GK5: variants seen among roughly 807,000 people sequenced by gnomAD.
GK5 encodes the protein ATP:glycerol 3-phosphotransferase 5.
A neutral mutation model predicts 77.3 loss-of-function variants in GK5; 39 were observed. That is an observed-to-expected ratio of 0.50 (90% CI 0.39 to 0.66). The LOEUF is 0.66. Ranked by LOEUF, GK5 falls within the 30% of genes least tolerant of loss-of-function variation. GK5 has a pLI of 0.00. For missense variants in GK5, 487 were observed against 633.8 expected, an observed-to-expected ratio of 0.77 and a Z score of 2.49; for synonymous variants, 211 against 208.0, an observed-to-expected ratio of 1.01 and a Z score of -0.13.
intron 5 of GK5, among the ~76,000 whole-genome samples, chr3:142,188,612 T>C (rs911392027): frequency 5.9e-5 from 9 of 152,276 alleles, no homozygotes; most frequent in African/African-American, 1.9e-4. Flanking sequence ...TCTGTTTTTG[T>C]ACAGCAAATT....
chr3:142,187,868 C>T (rs2063794092), intron 5 of GK5, 89 bp from the exon 6 acceptor site: 4 of 874,658 alleles, frequency 4.6e-6, no homozygotes, highest in Non-Finnish European at 7.2e-6. Flanking sequence ...AATATAAACC[C>T]ATTTTTATAA....
intron 9 of GK5, chr3:142,185,503 G>T: frequency 2.0e-6 from 2 of 994,408 alleles, no homozygotes; most frequent in Non-Finnish European, 2.4e-6. Flanking sequence ...TTTATTAAAT[G>T]TACATACAAC....
At chr3:142,183,191 C>A in intron 9 of GK5, 142 bp from the exon 10 acceptor site, 4 of 709,372 alleles carry the variant, frequency 5.6e-6, no homozygotes, top group Non-Finnish European at 8.9e-6. Context: ...AAAAAAATCC[C>A]AAAGAGAATA....
chr3:142,204,456 C>T, intron 4 of GK5: 1 of 543,166 alleles, frequency 1.8e-6, no homozygotes, highest in East Asian at 3.8e-5. Context: ...AACACAAATT[C>T]TCACTAACAT....
intron 5 of GK5, among the ~76,000 whole-genome samples, chr3:142,195,713 T>G (rs1404398291): frequency 1.3e-5 from 2 of 152,332 alleles, no homozygotes; most frequent in East Asian, 3.9e-4. Context: ...TCTTTTCTCT[T>G]GATGTCTTTG....
At chr3:142,184,785 A>G (rs899943213) in intron 9 of GK5, 2 of 854,378 alleles carry the variant, frequency 2.3e-6, no homozygotes, top group African/African-American at 3.7e-5. Context: ...ACAGTGAGCC[A>G]TCGGTGAGAT....
At chr3:142,210,366 G>T (rs1455872192) in intron 3 of GK5, among the ~76,000 whole-genome samples, 1 of 152,112 alleles carries the variant, frequency 6.6e-6, no homozygotes, top group Non-Finnish European at 1.5e-5. Context: ...TCTCACAAAT[G>T]AACAATTAGT....
chr3:142,173,346 T>G lies in GK5; in HGVS notation c.1144-890A>C, dbSNP rs1311102929. 1.5e-5 allele frequency: 4 copies of G among 267,680 alleles called. No homozygotes were observed. In the Admixed American group the frequency reaches 1.7e-4, roughly 11 times the overall value. 16.6% of individuals were successfully genotyped at this position (267,680 alleles called of 1,614,324 possible). A position where few individuals can be genotyped will look rare whatever the true frequency, so the allele number is the denominator to read the frequency against. ...TGTATTAATCAGATGAGGTTTCTAT[T>G]CATCTTTGTATCTCCAGAAATGTAA... On this transcript the variant is annotated intron_variant, in intron 12 of 15. Coordinates refer to ENST00000392993, the MANE Select transcript of GK5 (RefSeq NM_001039547.3).
chr3:142,175,836 T>C (rs1489876041), intron 12 of GK5, among the ~76,000 whole-genome samples: 1 of 148,050 alleles, frequency 6.8e-6, no homozygotes, highest in African/African-American at 2.4e-5. Context: ...CTTTATATTA[T>C]TATTATTATA....
chr3:142,159,846 T>G lies in GK5; in HGVS notation c.*5776A>C, dbSNP rs932479131. ...TTGGGGCTTTCTCTCTCTCTCTCTC[T>G]CTCTCTCTTTTTTTTTTTTGAGACA... On this transcript the variant is annotated 3_prime_UTR_variant, in exon 16 of 16. Transcript: ENST00000392993. The G allele has an allele frequency of 7.8e-6, 1 of 127,594 alleles. No homozygotes were observed. The highest frequency in any genetic ancestry group is 2.0e-4 in the East Asian group (1 of 4,956). The allele number at this position is 127,594 out of a possible 1,614,324, so 7.9% of individuals were successfully genotyped here. A position where few individuals can be genotyped will look rare whatever the true frequency, so the allele number is the denominator to read the frequency against.
intron 9 of GK5, chr3:142,185,509 AC>A (rs1172378470): frequency 8.0e-6 from 8 of 998,566 alleles, no homozygotes; most frequent in Non-Finnish European, 8.4e-6. Context: ...AAATGTACAT[AC>A]AACTTTCTCT....
Position 142,163,018 on chromosome 3 carries a change from G to C in GK5, c.*2604C>G, listed in dbSNP as rs1345610047. On this transcript the variant is annotated 3_prime_UTR_variant, in exon 16 of 16. Coordinates refer to ENST00000392993, the MANE Select transcript of GK5 (RefSeq NM_001039547.3). ...CTCAAAAAAAAAAAAAAAAAAGAAA[G>C]GACAATTTTGTTGCTCAATTGATCT... 6.8e-6 allele frequency: 1 copy of C among 146,692 alleles called. No individual in the cohort carries two copies. The highest frequency in any genetic ancestry group is 1.5e-5 in the Non-Finnish European group (1 of 66,738). The allele number at this position is 146,692 out of a possible 1,614,324, so 9.1% of individuals were successfully genotyped here. A position where few individuals can be genotyped will look rare whatever the true frequency, so the allele number is the denominator to read the frequency against.
chr3:142,180,773 G>A (rs967160873), intron 11 of GK5, among the ~76,000 whole-genome samples: 17 of 152,038 alleles, frequency 1.1e-4, no homozygotes, highest in Admixed American at 6.6e-4. Context: ...CACCAATATG[G>A]GGATCCCAAG....
intron 4 of GK5, 28 bp from the exon 5 acceptor site, chr3:142,198,961 A>C (rs767560480): frequency 6.4e-7 from 1 of 1,558,202 alleles, no homozygotes; most frequent in African/African-American, 1.4e-5. Flanking sequence ...TATTTTAGGA[A>C]AATGCATTTA....
Position 142,165,608 on chromosome 3 carries a change from C to T in GK5, c.*14G>A. The T allele has an allele frequency of 6.3e-7, 1 of 1,589,616 alleles. No homozygotes were observed. The highest frequency in any genetic ancestry group is 8.5e-7 in the Non-Finnish European group (1 of 1,169,722). On this transcript the variant is annotated 3_prime_UTR_variant, in exon 16 of 16. Transcript: ENST00000392993. ...TAAACCAGCTACCTATGGTTTTGATCATTTCATTTAGTGTTATGTCTTGTT... is the reference window on the plus strand; with the variant it reads ...TAAACCAGCTACCTATGGTTTTGATTATTTCATTTAGTGTTATGTCTTGTT...
chr3:142,176,737 C>T (rs2063618626), intron 12 of GK5, among the ~76,000 whole-genome samples: 1 of 138,334 alleles, frequency 7.2e-6, no homozygotes, highest in Non-Finnish European at 1.5e-5. Flanking sequence ...TCTCGGCTCA[C>T]TGCAACCTCC....
rs545599796 is a variant in GK5 at position 142,162,751 on chromosome 3, A to C, written c.*2871T>G. 6.6e-6 allele frequency: 1 copy of C among 152,348 alleles called. No individual in the cohort carries two copies. Among genetic ancestry groups the C allele is most frequent in the East Asian group, 1.9e-4 (1 of 5,186 alleles). The allele number at this position is 152,348 out of a possible 1,614,324, so 9.4% of individuals were successfully genotyped here. A position where few individuals can be genotyped will look rare whatever the true frequency, so the allele number is the denominator to read the frequency against. The stretch of plus-strand genomic sequence containing the variant: ...GGTGGCTCACGCCTGTAATCCTAGC[A>C]CTTTGGGAGGCCGAGGTGGGTGGGT... On this transcript the variant is annotated 3_prime_UTR_variant, in exon 16 of 16. Coordinates refer to ENST00000392993, the MANE Select transcript of GK5 (RefSeq NM_001039547.3).
Position 142,159,667 on chromosome 3 carries a change from G to A in GK5, c.*5955C>T. The A allele has an allele frequency of 6.6e-6, 1 of 151,814 alleles. No homozygotes were observed. Among genetic ancestry groups the A allele is most frequent in the Middle Eastern group, 3.2e-3 (1 of 316 alleles). The allele number at this position is 151,814 out of a possible 1,614,324, so 9.4% of individuals were successfully genotyped here. A position where few individuals can be genotyped will look rare whatever the true frequency, so the allele number is the denominator to read the frequency against. ...AAAGATTCCTTTTACTTGGAAAGGGGATTTAAAAAGAAAAAACCACCAACA... is the reference window on the plus strand; with the variant it reads ...AAAGATTCCTTTTACTTGGAAAGGGAATTTAAAAAGAAAAAACCACCAACA... On this transcript the variant is annotated 3_prime_UTR_variant, in exon 16 of 16. Transcript: ENST00000392993.
chr3:142,181,688 C>T (rs1037794481), intron 10 of GK5, 123 bp from the exon 11 acceptor site: 6 of 619,922 alleles, frequency 9.7e-6, no homozygotes, highest in East Asian at 3.0e-5. Context: ...AGACTGTGGA[C>T]GTTCAAACTC....
Sources: allele counts gnomAD v4.1 joint callset (sites outside exome capture counted in the v4.1 genomes callset), GRCh38; gene constraint gnomAD v4.1.1; transcripts MANE v1.5; gene names NCBI Gene and HGNC (gene_info 2026-07-23, HGNC 2026-07-21).